KCNQ1: variants seen among roughly 807,000 people sequenced by gnomAD.
The protein encoded by KCNQ1 is potassium voltage-gated channel subfamily Q member 1.
In KCNQ1, 49 loss-of-function variants were observed where a neutral mutation model predicts 72.4. The ratio of observed to expected loss-of-function variants is 0.68; its 90% confidence interval spans 0.54 to 0.86. The LOEUF (loss-of-function observed/expected upper bound fraction) is 0.86, where lower values mean the gene tolerates loss of function less well. Ranked by LOEUF, KCNQ1 falls within the 40% of genes least tolerant of loss-of-function variation. The probability of loss-of-function intolerance (pLI) is 0.00; values close to 1 mark genes in which losing one functional copy is unlikely to be tolerated. For missense variants in KCNQ1, 790 were observed against 945.1 expected, an observed-to-expected ratio of 0.84 and a Z score of 2.15; for synonymous variants, 450 against 412.6, an observed-to-expected ratio of 1.09 and a Z score of -1.10.
At chr11:2,791,872 G>C (rs916473563) in intron 15 of KCNQ1, among the ~76,000 whole-genome samples, 2 of 152,264 alleles carry the variant, frequency 1.3e-5, no homozygotes, top group Non-Finnish European at 2.9e-5. Context: ...TTGGACGGTG[G>C]CGTCCACAAA....
chr11:2,676,768 A>G lies in KCNQ1; in HGVS notation c.1514+14687A>G. 1 of 398,644 alleles carries G rather than the reference A, an allele frequency of 2.5e-6. No individual in the cohort carries two copies. The highest frequency in any genetic ancestry group is 4.4e-6 in the Non-Finnish European group (1 of 226,072). The allele number at this position is 398,644 out of a possible 1,614,324, so 24.7% of individuals were successfully genotyped here. On this transcript the variant is annotated intron_variant, in intron 11 of 15. Transcript: ENST00000155840. The surrounding 1 kb of genome is among the most constrained non-coding windows in gnomAD (Gnocchi z 4.2). ...ATGGTCTGCTGTATGAAGCAACCCTAGGACATTTGAAGAGAATGGAGTGAT... is the reference window on the plus strand; with the variant it reads ...ATGGTCTGCTGTATGAAGCAACCCTGGGACATTTGAAGAGAATGGAGTGAT...
chr11:2,598,678 T>C lies in KCNQ1; in HGVS notation c.1393+9824T>C, dbSNP rs1265838616. The stretch of plus-strand genomic sequence containing the variant: ...AAAATTAAATCTTCCTGTACAATTA[T>C]GTTTCTAAAAATTGAGTGGCAGGTT... On this transcript the variant is annotated intron_variant, in intron 10 of 15. Coordinates refer to ENST00000155840, the MANE Select transcript of KCNQ1 (RefSeq NM_000218.3). The surrounding 1 kb of genome is among the most constrained non-coding windows in gnomAD (Gnocchi z 6.2). Among the ~76,000 whole-genome samples the C allele has an allele frequency of 1.3e-5, 2 of 152,026 alleles. No homozygotes were observed. Among genetic ancestry groups the C allele is most frequent in the South Asian group, 2.1e-4 (1 of 4,830 alleles).
chr11:2,685,473 T>A (rs759825350), intron 11 of KCNQ1: 1 of 398,662 alleles, frequency 2.5e-6, no homozygotes, highest in Non-Finnish European at 4.4e-6. Context: ...GCAACTCCCA[T>A]CTCACAGGCC....
chr11:2,835,083 C>G (rs1848032697), intron 15 of KCNQ1, among the ~76,000 whole-genome samples: 1 of 152,128 alleles, frequency 6.6e-6, no homozygotes, highest in South Asian at 2.1e-4. Flanking sequence ...TGGGTGCAGG[C>G]CCGGGGGCTG....
chr11:2,633,218 T>C (rs542791359), intron 10 of KCNQ1: 26 of 398,414 alleles, frequency 6.5e-5, no homozygotes, highest in Non-Finnish European at 1.1e-4. Context: ...TTTTGCACAT[T>C]TCTAAATCAG....
rs948291273 is a variant in KCNQ1 at position 2,663,206 on chromosome 11, T to C, written c.1514+1125T>C. 2 of 398,438 alleles carry C rather than the reference T, an allele frequency of 5.0e-6. No homozygotes were observed. Among genetic ancestry groups the C allele is most frequent in the Admixed American group, 8.8e-5 (2 of 22,706 alleles). 24.7% of individuals were successfully genotyped at this position (398,438 alleles called of 1,614,324 possible). ...TGGCAGTACCTCATGGTGGGTAGGGTGTGAAGAGGCTCCAAGGGAGCCAGC... is the reference window on the plus strand; with the variant it reads ...TGGCAGTACCTCATGGTGGGTAGGGCGTGAAGAGGCTCCAAGGGAGCCAGC... On this transcript the variant is annotated intron_variant, in intron 11 of 15. Transcript: ENST00000155840. This position sits in a 1 kb window ranked among gnomAD's most constrained non-coding sequence, Gnocchi z 5.2.
chr11:2,810,240 C>G (rs1159799281), intron 15 of KCNQ1, among the ~76,000 whole-genome samples: 1 of 152,242 alleles, frequency 6.6e-6, no homozygotes, highest in East Asian at 1.9e-4. Context: ...TTTCAATTTC[C>G]CAGAGAAGTT....
chr11:2,799,375 AGTGTGTGTGT>A (rs3079043), intron 15 of KCNQ1, among the ~76,000 whole-genome samples: 1 of 147,310 alleles, frequency 6.8e-6, no homozygotes, highest in South Asian at 2.2e-4. Context: ...TGTAAGTTCG[AGTGTGTGTGT>A]GTGTGTGTGT....
Position 2,663,355 on chromosome 11 carries a change from G to A in KCNQ1, c.1514+1274G>A, listed in dbSNP as rs921686944. 27 of 398,682 alleles carry A rather than the reference G, an allele frequency of 6.8e-5. No individual in the cohort carries two copies. The highest frequency in any genetic ancestry group is 3.6e-4 in the East Asian group (10 of 28,088). The allele number at this position is 398,682 out of a possible 1,614,324, so 24.7% of individuals were successfully genotyped here. On this transcript the variant is annotated intron_variant, in intron 11 of 15. Coordinates refer to ENST00000155840, the MANE Select transcript of KCNQ1 (RefSeq NM_000218.3). This position sits in a 1 kb window ranked among gnomAD's most constrained non-coding sequence, Gnocchi z 5.2. ...GGTGTGAGCAGGCTGGTAGCCAGAT[G>A]GGCTGCCCAGGTACAGGTCAGCACC...
chr11:2,729,313 A>G (rs895343011), intron 11 of KCNQ1, among the ~76,000 whole-genome samples: 8 of 152,252 alleles, frequency 5.3e-5, no homozygotes, highest in African/African-American at 1.9e-4. Context: ...CCACACCTAT[A>G]CAATGGGGGT....
At chr11:2,586,254 C>T (rs893536649) in intron 8 of KCNQ1, among the ~76,000 whole-genome samples, 15 of 152,338 alleles carry the variant, frequency 9.8e-5, no homozygotes, top group Non-Finnish European at 1.3e-4. Flanking sequence ...CTGCAGTCCT[C>T]GTGAGCTCGC....
chr11:2,585,402 C>G, intron 8 of KCNQ1, 95 bp downstream of exon 8: 1 of 1,124,648 alleles, frequency 8.9e-7, no homozygotes, highest in Non-Finnish European at 1.3e-6. Flanking sequence ...ATCATTGGCC[C>G]CTGCATCAGC....
rs1263354882 is a variant in KCNQ1 at position 2,787,587 on chromosome 11, ATATAT to A, written c.1794+9552_1794+9556del. Among the ~76,000 whole-genome samples, 2 of 152,342 alleles carry A rather than the reference ATATAT, an allele frequency of 1.3e-5. No homozygotes were observed. The highest frequency in any genetic ancestry group is 4.8e-5 in the African/African-American group (2 of 41,592). On this transcript the variant is annotated intron_variant, in intron 15 of 15. Transcript: ENST00000155840. This position sits in a 1 kb window ranked among gnomAD's most constrained non-coding sequence, Gnocchi z 6.3. ...GAAATAAGTAAAATTGATTACAATA[ATATAT>A]TTTATTTAACCCAATAGATCCAAAA...
chr11:2,483,133 C>T lies in KCNQ1; in HGVS notation c.386+37649C>T, dbSNP rs2133614930. ...AAGAGCACCCAGACAGAGGGCATGG[C>T]ACATGCAAAGGTCCTGTGTTGGGAA... On this transcript the variant is annotated intron_variant, in intron 1 of 15. Transcript: ENST00000155840. This position sits in a 1 kb window ranked among gnomAD's most constrained non-coding sequence, Gnocchi z 6.1. 6.6e-6 allele frequency among the ~76,000 whole-genome samples: 1 copy of T among 152,142 alleles called. No homozygotes were observed. Among genetic ancestry groups the T allele is most frequent in the East Asian group, 1.9e-4 (1 of 5,166 alleles).
intron 10 of KCNQ1, chr11:2,610,907 T>C: frequency 2.5e-6 from 1 of 398,212 alleles, no homozygotes; most frequent in East Asian, 3.6e-5. Context: ...AGAATAGTAG[T>C]TGGGTAATAG....
chr11:2,736,167 G>A (rs1188097877), intron 11 of KCNQ1, among the ~76,000 whole-genome samples: 1 of 152,196 alleles, frequency 6.6e-6, no homozygotes, highest in African/African-American at 2.4e-5. Context: ...CTTCCTGCCT[G>A]CCCTTCAGTT....
intron 2 of KCNQ1, among the ~76,000 whole-genome samples, chr11:2,532,088 C>T (rs1047101162): frequency 2.6e-5 from 4 of 152,186 alleles, no homozygotes; most frequent in African/African-American, 9.6e-5. Context: ...AGCACTCAGC[C>T]TCTTGTCAGG....
chr11:2,532,500 G>A (rs1439290685), intron 2 of KCNQ1, among the ~76,000 whole-genome samples: 2 of 152,232 alleles, frequency 1.3e-5, no homozygotes, highest in Admixed American at 1.3e-4. Flanking sequence ...GCCATGGTGG[G>A]GGCACGTTGG....
chr11:2,816,665 G>A lies in KCNQ1; in HGVS notation c.1795-31102G>A, dbSNP rs1334317679. Among the ~76,000 whole-genome samples the A allele has an allele frequency of 6.6e-6, 1 of 152,108 alleles. No individual in the cohort carries two copies. The highest frequency in any genetic ancestry group is 6.5e-5 in the Admixed American group (1 of 15,280). On this transcript the variant is annotated intron_variant, in intron 15 of 15. Coordinates refer to ENST00000155840, the MANE Select transcript of KCNQ1 (RefSeq NM_000218.3). The surrounding 1 kb of genome is among the most constrained non-coding windows in gnomAD (Gnocchi z 6.8). Reference sequence around the variant, plus strand: ...AGGGCTAACCATGATGTTTCATTAAGGGAGAAATGCACTTGCTGCTCCTGG... The same window carrying A: ...AGGGCTAACCATGATGTTTCATTAAAGGAGAAATGCACTTGCTGCTCCTGG...
Sources: allele counts gnomAD v4.1 joint callset (sites outside exome capture counted in the v4.1 genomes callset), GRCh38; gene constraint gnomAD v4.1.1; non-coding constraint Gnocchi (gnomAD v3.1); transcripts MANE v1.5; gene names NCBI Gene and HGNC (gene_info 2026-07-23, HGNC 2026-07-21).